Variants in FHAD1 observed in about 807,000 individuals in gnomAD.
FHAD1 encodes forkhead associated phosphopeptide binding domain 1, also known as forkhead-associated domain-containing protein 1.
A neutral mutation model predicts 191.3 loss-of-function variants in FHAD1; 146 were observed. The observed-to-expected ratio is 0.76, with a 90% CI of 0.67 to 0.88. The LOEUF (loss-of-function observed/expected upper bound fraction) is 0.88, where lower values mean the gene tolerates loss of function less well. Among genes scored for constraint, FHAD1 ranks in the 40% least tolerant of loss-of-function variants. The pLI, the probability that FHAD1 is intolerant of heterozygous loss-of-function variation, is 0.00. For synonymous variants in FHAD1, 616 were observed against 672.3 expected, an observed-to-expected ratio of 0.92 and a Z score of 1.29; for missense variants, 1,635 against 1,785.8, an observed-to-expected ratio of 0.92 and a Z score of 1.52.
rs1465557625 is a variant in FHAD1 at position 15,311,281 on chromosome 1, C to T, written c.1040-1776C>T. On this transcript the variant is annotated intron_variant, in intron 7 of 33. Coordinates refer to ENST00000688493, the MANE Select transcript of FHAD1 (RefSeq NM_001391957.1). The surrounding 1 kb of genome is among the most constrained non-coding windows in gnomAD (Gnocchi z 4.1). ...AGCACCCCGGAGATCTCAGAGGGTC[C>T]GCCTCAAGTCTTCAGCAGAGTCAGG... Among the ~76,000 whole-genome samples, 6 of 152,034 alleles carry T rather than the reference C, an allele frequency of 3.9e-5. No homozygotes were observed. Among genetic ancestry groups the T allele is most frequent in the Non-Finnish European group, 7.4e-5 (5 of 67,978 alleles).
chr1:15,270,289 TTTTTA>T (rs1655359318), intron 2 of FHAD1, among the ~76,000 whole-genome samples: 1 of 152,180 alleles, frequency 6.6e-6, no homozygotes, highest in Non-Finnish European at 1.5e-5. Context: ...TCAGCTTTCT[TTTTTA>T]TTTTAATATT....
intron 2 of FHAD1, among the ~76,000 whole-genome samples, chr1:15,270,346 A>G (rs1184395727): frequency 1.3e-5 from 2 of 152,206 alleles, no homozygotes; most frequent in Non-Finnish European, 2.9e-5. Context: ...AAAGTGGCTA[A>G]TAGCACAGAC....
At chr1:15,385,316 T>TC (rs892039675) in intron 31 of FHAD1, among the ~76,000 whole-genome samples, 1 of 152,176 alleles carries the variant, frequency 6.6e-6, no homozygotes, top group Non-Finnish European at 1.5e-5. Context: ...TCGATTTTTT[T>TC]CCACGTCTCC....
intron 2 of FHAD1, among the ~76,000 whole-genome samples, chr1:15,269,022 C>T (rs1654779607): frequency 6.6e-6 from 1 of 151,790 alleles, no homozygotes; most frequent in African/African-American, 2.4e-5. Flanking sequence ...CTGTGATGGC[C>T]TCTCTTTCAT....
intron 2 of FHAD1, among the ~76,000 whole-genome samples, chr1:15,271,104 A>G (rs1409064808): frequency 7.3e-6 from 1 of 137,704 alleles, no homozygotes; most frequent in African/African-American, 2.8e-5. Flanking sequence ...GCACCACTGC[A>G]CTCCAGCCTG....
chr1:15,338,985 T>G (rs1259408547), intron 14 of FHAD1, among the ~76,000 whole-genome samples: 1 of 152,206 alleles, frequency 6.6e-6, no homozygotes, highest in Non-Finnish European at 1.5e-5. Context: ...AAGTTGGATG[T>G]GAGCTCAACC....
intron 5 of FHAD1, among the ~76,000 whole-genome samples, chr1:15,297,717 C>T (rs1014218021): frequency 2.6e-5 from 4 of 152,200 alleles, no homozygotes; most frequent in African/African-American, 4.8e-5. Flanking sequence ...TGCAGTCAGC[C>T]GGTGGCGTGG....
rs35718388 is a variant in FHAD1, at chr1:15,263,125, CT to C, written c.94-9195del. Reference sequence around the variant, plus strand: ...TCTTTGGAGAAAGTCCATTCAAATCCTTTGCACATTTTTTAATAGGGTTATT... The same window carrying C: ...TCTTTGGAGAAAGTCCATTCAAATCCTTGCACATTTTTTAATAGGGTTATT... On this transcript the variant is annotated intron_variant, in intron 2 of 33. Coordinates refer to ENST00000688493, the MANE Select transcript of FHAD1 (RefSeq NM_001391957.1). 9.9e-3 allele frequency among the ~76,000 whole-genome samples: 1,503 copies of C among 152,216 alleles called. 8 individuals are homozygous for C. The highest frequency in any genetic ancestry group is 0.031 in the Middle Eastern group (9 of 294).
At chr1:15,236,722 C>CT (rs1644822989) in exon 1 of FHAD1, among the ~76,000 whole-genome samples, 1 of 152,218 alleles carries the variant, frequency 6.6e-6, no homozygotes, top group African/African-American at 2.4e-5. Context: ...AGACTGAGGT[C>CT]TGATGACATC....
At chr1:15,401,320 GGCA>G (rs1707120975), downstream of FHAD1, among the ~76,000 whole-genome samples, 1 of 152,082 alleles carries the variant, frequency 6.6e-6, no homozygotes, top group African/African-American at 2.4e-5. Flanking sequence ...CAACCAAATG[GGCA>G]TTTACTACGA....
chr1:15,363,475 G>A lies in FHAD1; in HGVS notation c.3047+749G>A, dbSNP rs1042472156. On this transcript the variant is annotated intron_variant, in intron 23 of 33. Coordinates refer to ENST00000688493, the MANE Select transcript of FHAD1 (RefSeq NM_001391957.1). ...AGCTGTGTGACCCTGGGCAAGTCACGCCACCTCACTGAGCCTTAGCTTCCA... is the reference window on the plus strand; with the variant it reads ...AGCTGTGTGACCCTGGGCAAGTCACACCACCTCACTGAGCCTTAGCTTCCA... Among the ~76,000 whole-genome samples, 6 of 152,174 alleles carry A rather than the reference G, an allele frequency of 3.9e-5. No homozygotes were observed. The East Asian group carries it at 5.8e-4, about 15-fold the overall frequency.
At chr1:15,342,004 A>G (rs1050421936) in intron 16 of FHAD1, 116 bp downstream of exon 16, 3 of 811,316 alleles carry the variant, frequency 3.7e-6, no homozygotes, top group Non-Finnish European at 5.4e-6. Context: ...GTTTGGTGCC[A>G]TGAAACTAAA....
intron 4 of FHAD1, among the ~76,000 whole-genome samples, chr1:15,290,408 G>T (rs1395166381): frequency 1.3e-5 from 2 of 152,110 alleles, no homozygotes; most frequent in Admixed American, 1.3e-4. Context: ...TGGCATCAAG[G>T]TCCCATTTTC....
In FHAD1 at chr1:15,369,371, G is replaced by A; in HGVS notation, c.3316G>A (p.Ala1106Thr). The change falls in exon 26 of 34, where the codon GCT becomes ACT. Residue 1106 changes from alanine to threonine, a missense_variant and splice_region_variant. By Grantham distance (58) the Ala-to-Thr change is moderately conservative. Transcript: ENST00000688493. ...CCATCCTCCTCTTCTCTACCCTAGG[G>A]CTTCCCAAGAGAAACACAGACTCCA... Reference protein sequence around the residue: ...ELKALEEALRASQEKHRLQLN... With the variant: ...ELKALEEALRTSQEKHRLQLN... 3 of 1,552,030 alleles carry A rather than the reference G, an allele frequency of 1.9e-6. No individual in the cohort carries two copies. Among genetic ancestry groups the A allele is most frequent in the Non-Finnish European group, 2.6e-6 (3 of 1,147,080 alleles).
At chr1:15,374,868 T>C (rs566652969) in intron 27 of FHAD1, among the ~76,000 whole-genome samples, 2 of 149,614 alleles carry the variant, frequency 1.3e-5, no homozygotes, top group South Asian at 2.1e-4. Context: ...TTGTTTGTTT[T>C]TTTTTTTTGA....
Position 15,375,704 on chromosome 1 carries a change from A to C in FHAD1, c.3679A>C (p.Thr1227Pro), listed in dbSNP as rs1293289817. 6.5e-7 allele frequency: 1 copy of C among 1,546,226 alleles called. No homozygotes were observed. The highest frequency in any genetic ancestry group is 1.2e-5 in the South Asian group (1 of 82,800). The change falls in exon 28 of 34, where the codon ACT (threonine) becomes CCT (proline). Residue 1227 changes from threonine to proline, a missense_variant. Physicochemically the swap from Thr to Pro is conservative, Grantham distance 38. Transcript: ENST00000688493. ...ACTGGATGCAAAACCGGATTTGCCA[A>C]CTCTCTCAAGAATAGAGATCCTAGC... ...ILLDAKPDLPTLSRIEILAPQ... is the reference protein window; with the variant it reads ...ILLDAKPDLPPLSRIEILAPQ...
chr1:15,359,105 C>T (rs1422806684), intron 21 of FHAD1, among the ~76,000 whole-genome samples: 1 of 152,012 alleles, frequency 6.6e-6, no homozygotes, highest in Non-Finnish European at 1.5e-5. Context: ...ATAGGGACGA[C>T]ATAAGGATGG....
chr1:15,336,403 T>G (rs1684108452), intron 14 of FHAD1, among the ~76,000 whole-genome samples: 1 of 152,120 alleles, frequency 6.6e-6, no homozygotes, highest in Non-Finnish European at 1.5e-5. Flanking sequence ...TTCCTTTTTC[T>G]CTCTTGGCCC....
intron 3 of FHAD1, among the ~76,000 whole-genome samples, chr1:15,285,147 T>C (rs1005039107): frequency 6.6e-6 from 1 of 152,224 alleles, no homozygotes; most frequent in African/African-American, 2.4e-5. Flanking sequence ...TGAGAAAACC[T>C]TGACCTTGCT....
Sources: allele counts gnomAD v4.1 joint callset (sites outside exome capture counted in the v4.1 genomes callset), GRCh38; gene constraint gnomAD v4.1.1; non-coding constraint Gnocchi (gnomAD v3.1); transcripts MANE v1.5; gene names NCBI Gene and HGNC (gene_info 2026-07-23, HGNC 2026-07-21).